The following DGKA variants were observed in gnomAD, a reference collection of about 807,000 sequenced individuals.
DGKA encodes diacylglycerol kinase alpha.
In DGKA, 35 loss-of-function variants were observed where a neutral mutation model predicts 105.0. The ratio of observed to expected loss-of-function variants is 0.33; its 90% confidence interval spans 0.25 to 0.44. The LOEUF (loss-of-function observed/expected upper bound fraction) is 0.44, where lower values mean the gene tolerates loss of function less well. DGKA is among the 20% of genes least tolerant of loss of function. The pLI is 1.00. For synonymous variants in DGKA, 296 were observed against 332.0 expected, an observed-to-expected ratio of 0.89 and a Z score of 1.18; for missense variants, 665 against 915.0, an observed-to-expected ratio of 0.73 and a Z score of 3.53.
At chr12:55,947,288 G>C (rs1260447365) in intron 17 of DGKA, among the ~76,000 whole-genome samples, 1 of 152,008 alleles carries the variant, frequency 6.6e-6, no homozygotes, top group African/African-American at 2.4e-5. Flanking sequence ...CCCAGCTGTG[G>C]AGACATTTTT....
At chr12:55,951,921 C>A in intron 18 of DGKA, 114 bp from the exon 19 acceptor site, 1 of 1,511,826 alleles carries the variant, frequency 6.6e-7, no homozygotes, top group Non-Finnish European at 9.1e-7. Flanking sequence ...TGCTGAGTTG[C>A]AAGGGAAGAT....
intron 17 of DGKA, 85 bp downstream of exon 17, chr12:55,942,348 G>A (rs1156623685): frequency 8.7e-6 from 11 of 1,269,494 alleles, no homozygotes; most frequent in East Asian, 2.3e-5. Context: ...CTAGGCATCT[G>A]GTATGGAAAG....
At chr12:55,951,478 A>T (rs1592746912) in intron 17 of DGKA, 145 bp from the exon 18 acceptor site, 2 of 771,230 alleles carry the variant, frequency 2.6e-6, no homozygotes, top group Non-Finnish European at 4.2e-6. Flanking sequence ...AGCTGTGACC[A>T]TGCACCCTGC....
intron 17 of DGKA, among the ~76,000 whole-genome samples, chr12:55,947,274 T>C (rs903162095): frequency 5.9e-5 from 9 of 152,166 alleles, no homozygotes; most frequent in African/African-American, 2.2e-4. Context: ...TGTAAGCCAC[T>C]GCGCCCAGCT....
At chr12:55,949,618 A>G (rs1235751381) in intron 17 of DGKA, among the ~76,000 whole-genome samples, 1 of 152,232 alleles carries the variant, frequency 6.6e-6, no homozygotes, top group Non-Finnish European at 1.5e-5. Context: ...ATTTATTCAT[A>G]AACTCATTAG....
At position 55,932,087 on chromosome 12, in the gene DGKA, G is replaced by C; in HGVS notation, c.-82+743G>C. 6.2e-6 allele frequency: 1 copy of C among 162,242 alleles called. No homozygotes were observed. Among genetic ancestry groups the C allele is most frequent in the Non-Finnish European group, 1.4e-5 (1 of 73,116 alleles). 10.1% of individuals were successfully genotyped at this position (162,242 alleles called of 1,614,324 possible). ...CAGCTCGGGCTCCAGCTCCAGCGCC[G>C]GCGCTTCAGCTGCGACCGCGAGCCC... On this transcript the variant is annotated intron_variant, in intron 1 of 23. Transcript: ENST00000331886. The surrounding 1 kb of genome is among the most constrained non-coding windows in gnomAD (Gnocchi z 4.3).
Position 55,953,736 on chromosome 12 carries a change from C to G in DGKA, c.2176C>G (p.Arg726Gly), listed in dbSNP as rs751686905. The change falls in exon 24 of 24, where the codon CGC becomes GGC. Residue 726 changes from arginine (R) to glycine (G), a missense_variant. Physicochemically the swap from Arg to Gly is moderately radical, Grantham distance 125. This residue lies in a region of DGKA where 158 missense variants were observed against 213.4 expected (regional missense o/e 0.74). Coordinates refer to ENST00000331886, the MANE Select transcript of DGKA (RefSeq NM_001345.5). Reference sequence around the variant, plus strand: ...GCCCATGCTCATGGGCCCACCCCCCCGCTCCACCAATTTCTTTGGCTTCTT... The same window carrying G: ...GCCCATGCTCATGGGCCCACCCCCCGGCTCCACCAATTTCTTTGGCTTCTT... The part of the protein sequence containing the change: ...QMPMLMGPPP[R>G]STNFFGFLS 48 of 1,614,048 alleles carry G rather than the reference C, an allele frequency of 3.0e-5. No individual in the cohort carries two copies. In the South Asian group the frequency reaches 3.5e-4, roughly 12 times the overall value.
Position 55,940,969 on chromosome 12 carries a change from G to A in DGKA, c.1090G>A (p.Glu364Lys). Residue 364 changes from glutamate (E) to lysine (K), a missense_variant, in exon 13 of 24, where the codon GAG becomes AAG. Glu to Lys is a moderately conservative substitution (Grantham distance 56). Around this residue, in one of 3 missense-constraint regions of DGKA, gnomAD observed 504 missense variants for 681.2 expected, o/e 0.74. Coordinates refer to ENST00000331886, the MANE Select transcript of DGKA (RefSeq NM_001345.5). This position sits in a 1 kb window ranked among gnomAD's most constrained non-coding sequence, Gnocchi z 4.3. ...GGATGATTTAAATTTGAGCACCTCT[G>A]AGGCTCTGCGGGTACAGGGCTGAGA... is the stretch of plus-strand genomic sequence containing the variant. ...TMDDLNLSTS[E>K]ALRIDPVPNT... is the part of the protein sequence containing the mutation. 6.2e-7 allele frequency: 1 copy of A among 1,613,992 alleles called. No homozygotes were observed. Among genetic ancestry groups the A allele is most frequent in the Non-Finnish European group, 8.5e-7 (1 of 1,179,968 alleles).
At chr12:55,927,960 A>G (rs1305820495), upstream of DGKA, 5 of 630,476 alleles carry the variant, frequency 7.9e-6, no homozygotes, top group South Asian at 2.1e-5. Context: ...CCTACTTAGT[A>G]TTCTAATTAA....
intron 17 of DGKA, among the ~76,000 whole-genome samples, chr12:55,947,491 T>C (rs891795680): frequency 6.6e-6 from 1 of 152,222 alleles, no homozygotes; most frequent in African/African-American, 2.4e-5. Context: ...GATCATTTTA[T>C]AGATGTTTTT....
In DGKA at chr12:55,940,816, T is replaced by A; in HGVS notation, c.1018-81T>A. 1.9e-6 allele frequency: 3 copies of A among 1,596,512 alleles called. No homozygotes were observed. Among genetic ancestry groups the A allele is most frequent in the Non-Finnish European group, 2.6e-6 (3 of 1,164,554 alleles). On this transcript the variant is annotated intron_variant, in intron 12 of 23. Coordinates refer to ENST00000331886, the MANE Select transcript of DGKA (RefSeq NM_001345.5). This position sits in a 1 kb window ranked among gnomAD's most constrained non-coding sequence, Gnocchi z 4.3. ...CATTTAGAATAGAGAGCTCATACTTTTAGGATTCAAGTCAGACCCCTCTAT... is the reference window on the plus strand; with the variant it reads ...CATTTAGAATAGAGAGCTCATACTTATAGGATTCAAGTCAGACCCCTCTAT...
At chr12:55,938,393 G>A (rs1011620621) in intron 5 of DGKA, 118 bp from the exon 6 acceptor site, 14 of 1,307,404 alleles carry the variant, frequency 1.1e-5, no homozygotes, top group Admixed American at 3.7e-5. Context: ...CCCATCCCAG[G>A]CTCTAGGCTT....
At chr12:55,953,603 C>A in intron 23 of DGKA, 82 bp from the exon 24 acceptor site, 4 of 1,482,044 alleles carry the variant, frequency 2.7e-6, no homozygotes, top group Middle Eastern at 1.7e-4. Context: ...ACCCCAAACC[C>A]CACAGATTTC....
chr12:55,946,744 A>C (rs1323656995), intron 17 of DGKA, among the ~76,000 whole-genome samples: 1 of 152,224 alleles, frequency 6.6e-6, no homozygotes, highest in Admixed American at 6.5e-5. Flanking sequence ...GAATAGTCAA[A>C]GAGAAAGGAA....
intron 2 of DGKA, 33 bp downstream of exon 2, chr12:55,936,600 G>C: frequency 6.2e-7 from 1 of 1,614,018 alleles, no homozygotes; most frequent in East Asian, 2.2e-5. Context: ...CAGTTCTGGA[G>C]ACCCTGCCCC....
At chr12:55,927,736 G>A (rs958082954), upstream of DGKA, 137 of 1,539,924 alleles carry the variant, frequency 8.9e-5, no homozygotes, top group Middle Eastern at 4.5e-4. Flanking sequence ...TGTCTCCGTA[G>A]CCGCAGGGCT....
chr12:55,949,669 T>C (rs1026085827), intron 17 of DGKA, among the ~76,000 whole-genome samples: 1 of 152,232 alleles, frequency 6.6e-6, no homozygotes, highest in Admixed American at 6.5e-5. Flanking sequence ...GCCAACCTGA[T>C]ATGCAACAAA....
At chr12:55,939,338 A>T (rs775061163) in intron 8 of DGKA, 33 bp downstream of exon 8, 1 of 1,613,052 alleles carries the variant, frequency 6.2e-7, no homozygotes, top group Non-Finnish European at 8.5e-7. Context: ...GATGAGTAAG[A>T]CAGCCTTGGG....
chr12:55,948,401 G>A (rs11830456), intron 17 of DGKA, among the ~76,000 whole-genome samples: 4,911 of 124,132 alleles, frequency 0.04, 217 homozygotes, highest in African/African-American at 0.13. Flanking sequence ...ACTCCATCTC[G>A]AAAAAAAAAA....
Sources: allele counts gnomAD v4.1 joint callset (sites outside exome capture counted in the v4.1 genomes callset), GRCh38; gene constraint gnomAD v4.1.1; regional missense constraint gnomAD v4.1.1; non-coding constraint Gnocchi (gnomAD v3.1); transcripts MANE v1.5; gene names NCBI Gene and HGNC (gene_info 2026-07-23, HGNC 2026-07-21).